Variants in PPP1R37 observed in about 807,000 individuals in gnomAD.
PPP1R37 encodes the protein protein phosphatase 1 regulatory subunit 37.
A neutral mutation model predicts 61.0 loss-of-function variants in PPP1R37; 21 were observed. The observed-to-expected ratio is 0.34, with a 90% CI of 0.24 to 0.50. The LOEUF (loss-of-function observed/expected upper bound fraction) is 0.50. Among genes scored for constraint, PPP1R37 ranks in the 20% least tolerant of loss-of-function variants. The pLI, the probability that PPP1R37 is intolerant of heterozygous loss-of-function variation, is 0.98. For synonymous variants in PPP1R37, 443 were observed against 433.5 expected (o/e 1.02, Z -0.27); for missense variants, 910 against 952.7 (o/e 0.96, Z 0.59).
At chr19:45,093,650 G>A (rs992028969) in intron 1 of PPP1R37, 123 bp downstream of exon 1, 182 of 675,862 alleles carry the variant, frequency 2.7e-4, no homozygotes, top group Non-Finnish European at 5.1e-5. Flanking sequence ...TAAGGGGACA[G>A]TCGTCAGTTT....
At chr19:45,094,411 C>T (rs988159483) in intron 1 of PPP1R37, among the ~76,000 whole-genome samples, 2 of 152,186 alleles carry the variant, frequency 1.3e-5, no homozygotes, top group Admixed American at 6.5e-5. Flanking sequence ...ACGGAAGGGT[C>T]CTCTTGTTCC....
At chr19:45,111,588 T>C (rs1166308321) in intron 1 of PPP1R37, among the ~76,000 whole-genome samples, 1 of 152,238 alleles carries the variant, frequency 6.6e-6, no homozygotes, top group Non-Finnish European at 1.5e-5. Flanking sequence ...TTTATCTTCT[T>C]GGCATATGGA....
intron 2 of PPP1R37, among the ~76,000 whole-genome samples, chr19:45,139,538 G>T (rs1968582672): frequency 6.7e-6 from 1 of 150,080 alleles, no homozygotes; most frequent in Admixed American, 6.6e-5. Flanking sequence ...GGGTTCCAGG[G>T]TTGCCTGTCC....
chr19:45,112,706 C>T (rs564801384), intron 1 of PPP1R37, among the ~76,000 whole-genome samples: 2 of 152,200 alleles, frequency 1.3e-5, no homozygotes, highest in Non-Finnish European at 2.9e-5. Context: ...TTGTCACTGT[C>T]TAGGGATGGG....
chr19:45,132,410 A>G lies in PPP1R37; in HGVS notation c.203-6104A>G, dbSNP rs567990208. ...AGCCTCAAACTCCCAGGCTCAAGCT[A>G]TCCTCCCATCTCAGCCTCCCAAGTC... On this transcript the variant is annotated intron_variant, in intron 1 of 12. Transcript: ENST00000221462. Among the ~76,000 whole-genome samples, 7 of 151,972 alleles carry G rather than the reference A, an allele frequency of 4.6e-5. No individual in the cohort carries two copies. In the East Asian group the frequency reaches 7.8e-4, roughly 17 times the overall value.
At chr19:45,128,922 C>A in intron 1 of PPP1R37, 1 of 726,470 alleles carries the variant, frequency 1.4e-6, no homozygotes, top group Non-Finnish European at 2.5e-6. Context: ...CCAGAGGAGA[C>A]CTTGGCAAGG....
At chr19:45,144,599 G>C (rs936869085) in intron 8 of PPP1R37, 4 of 497,078 alleles carry the variant, frequency 8.0e-6, no homozygotes, top group African/African-American at 6.0e-5. Context: ...CCCAGGCTGT[G>C]GGGGGTAGGG....
chr19:45,095,025 G>A (rs969197810), intron 1 of PPP1R37, among the ~76,000 whole-genome samples: 5 of 152,160 alleles, frequency 3.3e-5, no homozygotes, highest in Non-Finnish European at 5.9e-5. Context: ...GACTGGCTGT[G>A]GTGGCCGTGG....
At chr19:45,144,270 C>T (rs942470220) in intron 8 of PPP1R37, 1 of 152,350 alleles carries the variant, frequency 6.6e-6, no homozygotes, top group African/African-American at 2.4e-5. Flanking sequence ...TCCTCGGCCT[C>T]CCAAAGTGCT....
Position 45,093,181 on chromosome 19 carries a change from C to A in PPP1R37, c.-145C>A. On this transcript the variant is annotated 5_prime_UTR_variant, in exon 1 of 13. Transcript: ENST00000221462. ...GGCGCGCTTGGGCTCCCGGCGGCGA[C>A]GACTACGACCACTAGGAGAGCGGAC... The A allele has an allele frequency of 1.6e-6, 1 of 631,532 alleles. No homozygotes were observed. The highest frequency in any genetic ancestry group is 3.5e-5 in the East Asian group (1 of 28,256). The allele number at this position is 631,532 out of a possible 1,614,324, so 39.1% of individuals were successfully genotyped here.
chr19:45,128,485 C>A, intron 1 of PPP1R37: 2 of 778,854 alleles, frequency 2.6e-6, no homozygotes, highest in Non-Finnish European at 2.0e-6. Flanking sequence ...CAGCAGCAGG[C>A]CCAGAGGCAG....
chr19:45,115,460 C>T (rs946776710), intron 1 of PPP1R37, among the ~76,000 whole-genome samples: 6 of 152,050 alleles, frequency 3.9e-5, no homozygotes, highest in African/African-American at 9.7e-5. Flanking sequence ...TACCCCAAAC[C>T]GTGGCATGAA....
At chr19:45,131,339 C>G (rs1021458666) in intron 1 of PPP1R37, among the ~76,000 whole-genome samples, 21 of 152,134 alleles carry the variant, frequency 1.4e-4, no homozygotes, top group African/African-American at 4.8e-4. Context: ...TTTCACCATC[C>G]CACCCAGGGC....
At chr19:45,113,281 T>C (rs1968224176) in intron 1 of PPP1R37, among the ~76,000 whole-genome samples, 1 of 152,230 alleles carries the variant, frequency 6.6e-6, no homozygotes, top group African/African-American at 2.4e-5. Context: ...CAGTTAGGGC[T>C]GTATGGGGGC....
intron 5 of PPP1R37, among the ~76,000 whole-genome samples, chr19:45,141,774 C>T (rs948801111): frequency 6.6e-5 from 10 of 152,222 alleles, no homozygotes; most frequent in African/African-American, 1.9e-4. Flanking sequence ...AGGGACGGGA[C>T]GGGGCTATCT....
chr19:45,106,149 C>T (rs1353166787), intron 1 of PPP1R37, among the ~76,000 whole-genome samples: 2 of 152,280 alleles, frequency 1.3e-5, no homozygotes, highest in South Asian at 2.1e-4. Flanking sequence ...GAGGGGTAAC[C>T]AGAGAGGGGC....
chr19:45,139,548 C>T (rs1485097777), intron 2 of PPP1R37, among the ~76,000 whole-genome samples: 1 of 150,090 alleles, frequency 6.7e-6, no homozygotes, highest in Non-Finnish European at 1.5e-5. Context: ...GTTGCCTGTC[C>T]TCGGGCTGTT....
intron 1 of PPP1R37, chr19:45,136,048 G>C (rs1220379989): frequency 6.6e-6 from 1 of 152,152 alleles, no homozygotes; most frequent in Non-Finnish European, 1.5e-5. Flanking sequence ...CTTCCAAAGT[G>C]CTGGGATTAC....
rs1019044368 is a variant in PPP1R37, at chr19:45,142,201, C to T, written c.708C>T (p.Leu236=). 1 of 1,534,290 alleles carries T rather than the reference C, an allele frequency of 6.5e-7. No homozygotes were observed. Among genetic ancestry groups the T allele is most frequent in the African/African-American group, 1.4e-5 (1 of 73,036 alleles). Residue 236 remains leucine (L), a synonymous_variant, in exon 6 of 13, where the codon CTC becomes CTT. Coordinates refer to ENST00000221462, the MANE Select transcript of PPP1R37 (RefSeq NM_019121.2). ...ACGCCAGCCTGTCGGGGCGGCCCCT[C>T]ATGCTGCTCGGTGAGCCCCAAGCCC... ...LENASLSGRP[L]MLLATALKMN...
Sources: gnomAD v4.1 joint callset for allele counts (sites outside exome capture counted in the v4.1 genomes callset) on GRCh38, gnomAD v4.1.1 for gene constraint, MANE v1.5 for transcripts, NCBI Gene and HGNC (gene_info 2026-07-23, HGNC 2026-07-21) for gene names.